The following PDE8A variants were observed in gnomAD, a reference collection of about 807,000 sequenced individuals.
The protein encoded by PDE8A is phosphodiesterase 8A, also known as high affinity cAMP-specific and IBMX-insensitive 3',5'-cyclic phosphodiesterase 8A.
A neutral mutation model predicts 105.0 loss-of-function variants in PDE8A; 59 were observed. That is an observed-to-expected ratio of 0.56 (90% confidence interval 0.46 to 0.70). PDE8A has a LOEUF of 0.70. Among genes scored for constraint, PDE8A ranks in the 30% least tolerant of loss-of-function variants. The probability of loss-of-function intolerance (pLI) is 0.00; values close to 1 mark genes in which losing one functional copy is unlikely to be tolerated. For synonymous variants in PDE8A, 355 were observed against 371.9 expected (o/e 0.95, Z 0.52); for missense variants, 1,014 against 1,045.9 (o/e 0.97, Z 0.42).
intron 1 of PDE8A, among the ~76,000 whole-genome samples, chr15:84,996,861 TTA>T (rs2079987538): frequency 1.4e-5 from 2 of 137,988 alleles, no homozygotes; most frequent in South Asian, 4.6e-4. Context: ...GGTGGTACAC[TTA>T]TATAAGGCAC....
Position 85,115,491 on chromosome 15 carries a change from A to AAAACTTACTTTTT in PDE8A, c.1399+4_1399+5insAAACTTACTTTTT. The AAAACTTACTTTTT allele has an allele frequency of 6.8e-7, 1 of 1,461,606 alleles. No individual in the cohort carries two copies. The highest frequency in any genetic ancestry group is 9.3e-7 in the Non-Finnish European group (1 of 1,078,820). The allele number at this position is 1,461,606 out of a possible 1,614,324, so 90.5% of individuals were successfully genotyped here. On this transcript the variant is annotated splice_donor_region_variant and intron_variant, in intron 15 of 21. Transcript: ENST00000394553. ...GAATATGTTCTTTCAACAAAAAGTA[A>AAAACTTACTTTTT]GTTTTTCCTTTTTAATTTCTTAGAT...
At chr15:85,136,928 A>C (rs2082420347) in intron 21 of PDE8A, among the ~76,000 whole-genome samples, 1 of 152,116 alleles carries the variant, frequency 6.6e-6, no homozygotes, top group Non-Finnish European at 1.5e-5. Context: ...GCTAGGGTTC[A>C]AAACCAATCG....
At chr15:85,016,356 G>T (rs1178540870) in intron 1 of PDE8A, among the ~76,000 whole-genome samples, 1 of 151,354 alleles carries the variant, frequency 6.6e-6, no homozygotes, top group Non-Finnish European at 1.5e-5. Flanking sequence ...TTATCTTGGT[G>T]TATGATATGA....
chr15:85,083,405 G>GT, intron 5 of PDE8A, 151 bp from the exon 6 acceptor site: 1 of 515,834 alleles, frequency 1.9e-6, no homozygotes. Context: ...TGCCCATAAA[G>GT]TTTCTCTCTT....
intron 1 of PDE8A, among the ~76,000 whole-genome samples, chr15:85,004,764 A>C (rs1192108207): frequency 3.3e-5 from 5 of 151,874 alleles, no homozygotes. Flanking sequence ...GAACACAACC[A>C]AGTTGGGTCT....
chr15:85,136,354 C>T (rs997522843), intron 20 of PDE8A, among the ~76,000 whole-genome samples, 180 bp from the exon 21 acceptor site: 1 of 152,162 alleles, frequency 6.6e-6, no homozygotes, highest in Non-Finnish European at 1.5e-5. Flanking sequence ...GAGTAGTCCT[C>T]ATTCTGAGAA....
chr15:85,005,804 A>C (rs763735747), intron 1 of PDE8A, among the ~76,000 whole-genome samples: 14 of 152,160 alleles, frequency 9.2e-5, no homozygotes, highest in Non-Finnish European at 1.8e-4. Flanking sequence ...AAAGAGTTTA[A>C]GTAACTTAAA....
intron 1 of PDE8A, among the ~76,000 whole-genome samples, chr15:84,986,132 TGGGA>T: frequency 6.6e-6 from 1 of 152,108 alleles, no homozygotes; most frequent in South Asian, 2.1e-4. Flanking sequence ...GAGGCTGAGG[TGGGA>T]GGATCACCTG....
At chr15:85,126,949 A>T (rs2082267325) in intron 20 of PDE8A, among the ~76,000 whole-genome samples, 1 of 152,214 alleles carries the variant, frequency 6.6e-6, no homozygotes, top group Non-Finnish European at 1.5e-5. Flanking sequence ...GAACATCTTT[A>T]AAGTGCTGTT....
chr15:85,066,555 C>T (rs893357481), intron 2 of PDE8A, among the ~76,000 whole-genome samples: 2 of 149,416 alleles, frequency 1.3e-5, no homozygotes, highest in Admixed American at 6.7e-5. Context: ...CAGAGGAAGA[C>T]CCTGTTGCCC....
rs893099357 is a variant in PDE8A, at chr15:85,138,850, C to G, written c.*947C>G. The G allele has an allele frequency of 3.3e-5, 5 of 152,052 alleles. No individual in the cohort carries two copies. The highest frequency in any genetic ancestry group is 7.4e-5 in the Non-Finnish European group (5 of 68,008). The allele number at this position is 152,052 out of a possible 1,614,324, so 9.4% of individuals were successfully genotyped here. The stretch of plus-strand genomic sequence containing the variant: ...TTCTAAAATTTTATAATTCAATTTC[C>G]AAAAGTCTACTCTATTTTATACTGT... On this transcript the variant is annotated 3_prime_UTR_variant, in exon 22 of 22. Transcript: ENST00000394553.
intron 1 of PDE8A, among the ~76,000 whole-genome samples, chr15:85,003,629 T>G (rs2080100445): frequency 6.6e-6 from 1 of 152,202 alleles, no homozygotes. Context: ...TTATTCCTAA[T>G]CTTACCCTGA....
At chr15:85,118,077 A>G (rs1409456896) in intron 17 of PDE8A, among the ~76,000 whole-genome samples, 1 of 152,190 alleles carries the variant, frequency 6.6e-6, no homozygotes, top group Non-Finnish European at 1.5e-5. Context: ...TTGGTCCCGG[A>G]GGAGAAACCT....
rs573096287 is a variant in PDE8A, at chr15:85,022,698, GCCA to G, written c.186+40355_186+40357del. ...GGAGTAGCTGGGATTACAGGTGCAT[GCCA>G]CCACACCTGGCTATTTTTTTTTTGT... On this transcript the variant is annotated intron_variant, in intron 1 of 21. Transcript: ENST00000394553. Among the ~76,000 whole-genome samples the G allele has an allele frequency of 4.6e-5, 7 of 151,056 alleles. No individual in the cohort carries two copies. The East Asian group carries it at 1.4e-3, about 30-fold the overall frequency.
At chr15:85,031,408 C>G (rs1387739744) in intron 1 of PDE8A, among the ~76,000 whole-genome samples, 1 of 152,154 alleles carries the variant, frequency 6.6e-6, no homozygotes, top group Non-Finnish European at 1.5e-5. Context: ...CATTGCTCTC[C>G]TCGCCTGTAT....
chr15:85,053,429 G>T (rs1364349256), intron 1 of PDE8A, among the ~76,000 whole-genome samples: 1 of 152,164 alleles, frequency 6.6e-6, no homozygotes, highest in African/African-American at 2.4e-5. Context: ...CCATTTTCAC[G>T]ATATTGATTC....
At chr15:85,043,737 G>A (rs1028398482) in intron 1 of PDE8A, among the ~76,000 whole-genome samples, 2 of 151,532 alleles carry the variant, frequency 1.3e-5, no homozygotes, top group African/African-American at 2.4e-5. Flanking sequence ...TTACTCTGTC[G>A]CCCAGGCTGG....
At chr15:85,094,831 A>G (rs1022145603) in intron 8 of PDE8A, among the ~76,000 whole-genome samples, 2 of 152,138 alleles carry the variant, frequency 1.3e-5, no homozygotes, top group African/African-American at 4.8e-5. Context: ...GGAATCCTCC[A>G]TCTCCACTCG....
intron 1 of PDE8A, among the ~76,000 whole-genome samples, chr15:85,036,257 G>A (rs1025682325): frequency 6.6e-6 from 1 of 152,014 alleles, no homozygotes; most frequent in South Asian, 2.1e-4. Flanking sequence ...CTTCCTCTTG[G>A]TACTACTCTA....
Sources: gnomAD v4.1 joint callset for allele counts (sites outside exome capture counted in the v4.1 genomes callset) on GRCh38, gnomAD v4.1.1 for gene constraint, MANE v1.5 for transcripts, NCBI Gene and HGNC (gene_info 2026-07-23, HGNC 2026-07-21) for gene names.